The following PKIA variants were observed in gnomAD, a reference collection of about 807,000 sequenced individuals.
PKIA encodes cAMP-dependent protein kinase inhibitor alpha.
PKIA carries 4 observed loss-of-function variants against 7.6 expected under a neutral mutation model. The ratio of observed to expected loss-of-function variants is 0.52; its 90% CI spans 0.26 to 1.20. The LOEUF is 1.20. Ranked by LOEUF, PKIA falls within the 50% of genes most tolerant of loss-of-function variation. The probability of loss-of-function intolerance (pLI) is 0.13; values close to 1 mark genes in which losing one functional copy is unlikely to be tolerated. For synonymous variants in PKIA, 21 were observed against 30.7 expected, an observed-to-expected ratio of 0.68 and a Z score of 1.04; for missense variants, 73 against 86.2, an observed-to-expected ratio of 0.85 and a Z score of 0.61.
chr8:78,600,538 T>A (rs73244980), intron 3 of PKIA, among the ~76,000 whole-genome samples: 12,383 of 152,150 alleles, frequency 0.081, 548 homozygotes, highest in Middle Eastern at 0.095. Context: ...GTCTTACATA[T>A]GCCCTAATTT....
At chr8:78,542,358 A>G (rs1233101276) in intron 1 of PKIA, among the ~76,000 whole-genome samples, 1 of 152,064 alleles carries the variant, frequency 6.6e-6, no homozygotes, top group Non-Finnish European at 1.5e-5. Context: ...CAAGCTTTCT[A>G]TTATTTCTTT....
chr8:78,556,081 T>C (rs925584849), intron 1 of PKIA, among the ~76,000 whole-genome samples: 4 of 152,136 alleles, frequency 2.6e-5, no homozygotes, highest in African/African-American at 7.2e-5. Flanking sequence ...TTAGCAGTTA[T>C]GTAAATTAAA....
chr8:78,563,439 GAACT>G (rs1483876499), intron 1 of PKIA, among the ~76,000 whole-genome samples: 15 of 151,988 alleles, frequency 9.9e-5, no homozygotes, highest in African/African-American at 3.6e-4. Flanking sequence ...AATGTAAATG[GAACT>G]AACAAAATAT....
At chr8:78,590,528 G>A (rs1413944814) in intron 2 of PKIA, among the ~76,000 whole-genome samples, 2 of 151,988 alleles carry the variant, frequency 1.3e-5, no homozygotes, top group Admixed American at 1.3e-4. Context: ...AAAACAACAT[G>A]TTAAGAGATA....
chr8:78,568,274 T>C (rs1242334872), intron 1 of PKIA, among the ~76,000 whole-genome samples: 1 of 152,218 alleles, frequency 6.6e-6, no homozygotes, highest in Non-Finnish European at 1.5e-5. Context: ...CTAGCCTTCC[T>C]TATCTACAAA....
intron 1 of PKIA, among the ~76,000 whole-genome samples, chr8:78,561,237 C>G (rs896189060): frequency 1.3e-5 from 2 of 152,106 alleles, no homozygotes; most frequent in African/African-American, 4.8e-5. Flanking sequence ...ATGTATTTAA[C>G]TACATATAGG....
intron 1 of PKIA, among the ~76,000 whole-genome samples, chr8:78,537,378 C>T (rs1408455968): frequency 1.3e-5 from 2 of 151,848 alleles, no homozygotes; most frequent in African/African-American, 4.8e-5. Flanking sequence ...CCAATACTTG[C>T]TCTCTATTGT....
chr8:78,588,163 G>A (rs1418958481), intron 2 of PKIA, among the ~76,000 whole-genome samples: 1 of 152,174 alleles, frequency 6.6e-6, no homozygotes, highest in African/African-American at 2.4e-5. Flanking sequence ...TGGAGAAAGA[G>A]TGTGACTGGA....
chr8:78,531,286 C>T (rs1266515211), intron 1 of PKIA, among the ~76,000 whole-genome samples: 2 of 152,032 alleles, frequency 1.3e-5, no homozygotes, highest in African/African-American at 2.4e-5. Context: ...AATATCATGG[C>T]TTGAGACTGT....
chr8:78,581,368 G>A (rs1007700023), intron 2 of PKIA, among the ~76,000 whole-genome samples: 1 of 152,074 alleles, frequency 6.6e-6, no homozygotes, highest in Admixed American at 6.6e-5. Context: ...TATGTTTGGT[G>A]AGAAATAGGA....
In PKIA at chr8:78,538,542, A is replaced by G. The variant is rs1520338; in HGVS notation, c.-157+22074A>G. ...TGATTCTGGTGTCCAAACTGTCACAAAGACAACCACTGCCATATTAAGCTT... is the reference window on the plus strand; with the variant it reads ...TGATTCTGGTGTCCAAACTGTCACAGAGACAACCACTGCCATATTAAGCTT... On this transcript the variant is annotated intron_variant, in intron 1 of 3. Coordinates refer to ENST00000396418, the MANE Select transcript of PKIA (RefSeq NM_006823.4). 5.3e-3 allele frequency among the ~76,000 whole-genome samples: 807 copies of G among 152,178 alleles called. 8 individuals are homozygous for G. The highest frequency in any genetic ancestry group is 0.024 in the South Asian group (117 of 4,818).
At chr8:78,584,177 G>C (rs1377409225) in intron 2 of PKIA, among the ~76,000 whole-genome samples, 1 of 152,052 alleles carries the variant, frequency 6.6e-6, no homozygotes, top group African/African-American at 2.4e-5. Flanking sequence ...GTGTGTGTGT[G>C]TATGTGTGTG....
At chr8:78,597,223 T>G (rs1356352431) in intron 2 of PKIA, among the ~76,000 whole-genome samples, 1 of 152,144 alleles carries the variant, frequency 6.6e-6, no homozygotes, top group African/African-American at 2.4e-5. Context: ...GTGGAAAATA[T>G]CGTTGGTAGT....
intron 2 of PKIA, among the ~76,000 whole-genome samples, chr8:78,583,961 G>C (rs556905774): frequency 1.3e-5 from 2 of 152,060 alleles, no homozygotes; most frequent in Non-Finnish European, 2.9e-5. Context: ...ACAGGCGAGG[G>C]AGTATAGAAA....
intron 1 of PKIA, among the ~76,000 whole-genome samples, chr8:78,544,965 A>T (rs1806784855): frequency 6.6e-6 from 1 of 152,158 alleles, no homozygotes; most frequent in African/African-American, 2.4e-5. Context: ...TATATCCATT[A>T]TATGTCATAT....
At chr8:78,531,509 T>TGCTAA (rs1336353344) in intron 1 of PKIA, among the ~76,000 whole-genome samples, 1 of 152,144 alleles carries the variant, frequency 6.6e-6, no homozygotes, top group Non-Finnish European at 1.5e-5. Context: ...GCTTAGTCTG[T>TGCTAA]GCTAAGCACT....
At chr8:78,584,827 T>A (rs1398559166) in intron 2 of PKIA, among the ~76,000 whole-genome samples, 2 of 152,094 alleles carry the variant, frequency 1.3e-5, no homozygotes, top group African/African-American at 4.8e-5. Flanking sequence ...AAGGAAAGAT[T>A]TTGAGATCTT....
At chr8:78,563,354 A>T (rs957224427) in intron 1 of PKIA, among the ~76,000 whole-genome samples, 5 of 152,158 alleles carry the variant, frequency 3.3e-5, no homozygotes, top group Non-Finnish European at 7.3e-5. Flanking sequence ...AGAAGTCTTG[A>T]CTACTGTTAC....
At chr8:78,585,456 G>A (rs1807928282) in intron 2 of PKIA, among the ~76,000 whole-genome samples, 1 of 152,052 alleles carries the variant, frequency 6.6e-6, no homozygotes, top group Admixed American at 6.6e-5. Flanking sequence ...TTGTACTGAA[G>A]AGCATTCCAT....
Sources: gnomAD v4.1 joint callset for allele counts (sites outside exome capture counted in the v4.1 genomes callset) on GRCh38, gnomAD v4.1.1 for gene constraint, MANE v1.5 for transcripts, NCBI Gene and HGNC (gene_info 2026-07-23, HGNC 2026-07-21) for gene names.